ACAD9: variants seen among roughly 807,000 people sequenced by gnomAD.
ACAD9 encodes the protein complex I assembly factor ACAD9, mitochondrial.
ACAD9 carries 53 observed loss-of-function variants against 70.2 expected under a neutral mutation model. That is an observed-to-expected ratio of 0.75 (90% CI 0.61 to 0.95). The LOEUF (loss-of-function observed/expected upper bound fraction) is 0.95. ACAD9 is among the 40% of genes least tolerant of loss of function. The pLI is 0.00. For synonymous variants in ACAD9, 313 were observed against 312.1 expected (o/e 1.00, Z -0.03); for missense variants, 777 against 802.8 (o/e 0.97, Z 0.39).
chr3:128,884,567 A>G (rs768744842), intron 1 of ACAD9, 86 bp from the exon 2 acceptor site: 86 of 982,810 alleles, frequency 8.8e-5, no homozygotes, highest in Non-Finnish European at 1.2e-4. Flanking sequence ...AGTGGAGCAC[A>G]TGTTTTTCCT....
chr3:128,904,658 A>G (rs1285754476), intron 11 of ACAD9, among the ~76,000 whole-genome samples, 153 bp downstream of exon 11: 2 of 152,184 alleles, frequency 1.3e-5, no homozygotes, highest in Non-Finnish European at 2.9e-5. Context: ...CACTCCAGGG[A>G]TAGGCAGGCA....
intron 6 of ACAD9, 150 bp from the exon 7 acceptor site, chr3:128,899,137 A>T: frequency 1.3e-6 from 1 of 740,910 alleles, no homozygotes; most frequent in Non-Finnish European, 2.2e-6. Context: ...TCCTCTATTC[A>T]CTCATGCTTG....
chr3:128,899,838 A>T (rs752821922), intron 7 of ACAD9, among the ~76,000 whole-genome samples: 21 of 152,042 alleles, frequency 1.4e-4, no homozygotes, highest in Non-Finnish European at 2.6e-4. Flanking sequence ...TCAGGCTGTG[A>T]GTTGGGTTCA....
chr3:128,906,670 C>T (rs1302557271), intron 12 of ACAD9, among the ~76,000 whole-genome samples: 1 of 152,142 alleles, frequency 6.6e-6, no homozygotes, highest in Non-Finnish European at 1.5e-5. Context: ...GCAGTTTGTC[C>T]CTAAGGGCAG....
chr3:128,905,524 G>A (rs1262476149), intron 11 of ACAD9, among the ~76,000 whole-genome samples: 1 of 152,162 alleles, frequency 6.6e-6, no homozygotes, highest in African/African-American at 2.4e-5. Flanking sequence ...TACCTAAAAG[G>A]TTGGGATCCT....
At chr3:128,908,350 C>T (rs1320096865) in intron 13 of ACAD9, 86 bp downstream of exon 13, 2 of 1,508,260 alleles carry the variant, frequency 1.3e-6, no homozygotes, top group Non-Finnish European at 1.8e-6. Flanking sequence ...AAAGAGCTGC[C>T]TTGACCTGGA....
intron 5 of ACAD9, 149 bp downstream of exon 5, chr3:128,896,685 T>C: frequency 1.3e-6 from 1 of 791,144 alleles, no homozygotes; most frequent in East Asian, 2.7e-5. Flanking sequence ...GTTCTTGCCA[T>C]TCCTCTTATC....
intron 2 of ACAD9, 184 bp from the exon 3 acceptor site, chr3:128,893,371 A>C (rs987499582): frequency 1.9e-6 from 1 of 516,212 alleles, no homozygotes; most frequent in African/African-American, 1.9e-5. Context: ...TAAAAATAAA[A>C]TTTTTCCTGG....
At position 128,902,709 on chromosome 3, in the gene ACAD9, C is replaced by T. The variant is rs577833158; in HGVS notation, c.958+81C>T. 23 of 1,488,154 alleles carry T rather than the reference C, an allele frequency of 1.5e-5. No homozygotes were observed. Among genetic ancestry groups the T allele is most frequent in the South Asian group, 1.2e-4 (10 of 84,780 alleles). The allele number at this position is 1,488,154 out of a possible 1,614,324, so 92.2% of individuals were successfully genotyped here. A position where few individuals can be genotyped will look rare whatever the true frequency, so the allele number is the denominator to read the frequency against. The stretch of plus-strand genomic sequence containing the variant: ...AACCCTGGAGGCTCTGCCATTCCCC[C>T]GGCCCCTTCCAGGCCAGTGCTGAAC... On this transcript the variant is annotated intron_variant, in intron 9 of 17. Transcript: ENST00000308982. The surrounding 1 kb of genome is among the most constrained non-coding windows in gnomAD (Gnocchi z 4.0).
intron 15 of ACAD9, 99 bp downstream of exon 15, chr3:128,909,520 A>G: frequency 4.6e-6 from 6 of 1,300,216 alleles, no homozygotes; most frequent in Non-Finnish European, 5.5e-6. Flanking sequence ...GACCAGGCCT[A>G]GAACAGAAAT....
Position 128,880,421 on chromosome 3 carries a change from T to G in ACAD9, c.150+580T>G, listed in dbSNP as rs1167355167. 2.6e-5 allele frequency among the ~76,000 whole-genome samples: 4 copies of G among 151,480 alleles called. No individual in the cohort carries two copies. In the South Asian group the frequency reaches 6.3e-4, roughly 24 times the overall value. ...GCTCGTTGACTTTGAAACTCAGTTGTTTTTTTTGAGACAGAGTCGCGCTCT... is the reference window on the plus strand; with the variant it reads ...GCTCGTTGACTTTGAAACTCAGTTGGTTTTTTTGAGACAGAGTCGCGCTCT... On this transcript the variant is annotated intron_variant, in intron 1 of 17. Transcript: ENST00000308982.
chr3:128,890,464 C>T (rs1226214582), intron 2 of ACAD9, among the ~76,000 whole-genome samples: 1 of 151,990 alleles, frequency 6.6e-6, no homozygotes, highest in Non-Finnish European at 1.5e-5. Flanking sequence ...GCACTTTGGG[C>T]GGCCGAGATG....
chr3:128,895,568 T>C, intron 4 of ACAD9, 152 bp downstream of exon 4: 1 of 753,146 alleles, frequency 1.3e-6, no homozygotes, highest in South Asian at 1.5e-5. Flanking sequence ...CCACACCTCA[T>C]GGTGCTCAAT....
chr3:128,883,517 C>T (rs1026103176), intron 1 of ACAD9, among the ~76,000 whole-genome samples: 3 of 152,046 alleles, frequency 2.0e-5, no homozygotes, highest in Admixed American at 1.3e-4. Flanking sequence ...GCTACCAAGC[C>T]CGTGTAATTT....
chr3:128,905,237 T>C (rs1935855428), intron 11 of ACAD9, among the ~76,000 whole-genome samples: 1 of 152,192 alleles, frequency 6.6e-6, no homozygotes, highest in Non-Finnish European at 1.5e-5. Flanking sequence ...TTAGCTGGCA[T>C]GGTGGCACAC....
intron 2 of ACAD9, among the ~76,000 whole-genome samples, chr3:128,888,627 G>A (rs1935323981): frequency 6.6e-6 from 1 of 152,120 alleles, no homozygotes; most frequent in Admixed American, 6.6e-5. Flanking sequence ...CCTAGAAGCA[G>A]CTCAGGTCCC....
chr3:128,885,793 G>C (rs1935226772), intron 2 of ACAD9, among the ~76,000 whole-genome samples: 1 of 152,264 alleles, frequency 6.6e-6, no homozygotes, highest in Non-Finnish European at 1.5e-5. Flanking sequence ...AACGGGGACA[G>C]ATCACCTGAG....
chr3:128,904,214 A>G (rs1935823601), intron 10 of ACAD9, 82 bp downstream of exon 10: 1 of 1,582,842 alleles, frequency 6.3e-7, no homozygotes, highest in South Asian at 1.1e-5. Context: ...TGTACTGGTG[A>G]CTTCTGTGGT....
chr3:128,888,126 T>A, intron 2 of ACAD9, among the ~76,000 whole-genome samples: 1 of 150,908 alleles, frequency 6.6e-6, no homozygotes, highest in East Asian at 1.9e-4. Flanking sequence ...TTTTTCTGAA[T>A]CCTTGATCAA....
Sources: allele counts gnomAD v4.1 joint callset (sites outside exome capture counted in the v4.1 genomes callset), GRCh38; gene constraint gnomAD v4.1.1; non-coding constraint Gnocchi (gnomAD v3.1); transcripts MANE v1.5; gene names NCBI Gene and HGNC (gene_info 2026-07-23, HGNC 2026-07-21).